Variants in SNTG2 observed in about 807,000 individuals in gnomAD.
SNTG2 encodes the protein gamma-2-syntrophin.
A neutral mutation model predicts 70.9 loss-of-function variants in SNTG2; 74 were observed. The ratio of observed to expected loss-of-function variants is 1.04; its 90% CI spans 0.86 to 1.27. The LOEUF (loss-of-function observed/expected upper bound fraction) is 1.27, where lower values mean the gene tolerates loss of function less well. Ranked by LOEUF, SNTG2 falls within the 50% of genes most tolerant of loss-of-function variation. SNTG2 has a pLI of 0.00. For synonymous variants in SNTG2, 278 were observed against 273.8 expected (o/e 1.02, Z -0.15); for missense variants, 717 against 690.7 (o/e 1.04, Z -0.43).
intron 1 of SNTG2, among the ~76,000 whole-genome samples, chr2:1,082,392 G>C (rs1013340691): frequency 1.3e-5 from 2 of 152,184 alleles, no homozygotes; most frequent in Non-Finnish European, 2.9e-5. Flanking sequence ...CCCCCTGTTT[G>C]GTTCTCACAG....
intron 12 of SNTG2, among the ~76,000 whole-genome samples, chr2:1,252,191 AT>A (rs1473394880): frequency 6.6e-6 from 1 of 152,176 alleles, no homozygotes; most frequent in African/African-American, 2.4e-5. Flanking sequence ...GATCTGGATA[AT>A]TTGTACTTTT....
At chr2:1,054,936 G>GTT (rs1553315636) in intron 1 of SNTG2, among the ~76,000 whole-genome samples, 3 of 149,732 alleles carry the variant, frequency 2.0e-5, no homozygotes, top group African/African-American at 7.4e-5. Flanking sequence ...GGCTTTTTTT[G>GTT]TTTTGTTTTT....
At chr2:1,269,559 A>C (rs1172819927) in intron 14 of SNTG2, among the ~76,000 whole-genome samples, 1 of 152,004 alleles carries the variant, frequency 6.6e-6, no homozygotes, top group Non-Finnish European at 1.5e-5. Flanking sequence ...GTGGGGTCAG[A>C]GCTGGGGTTG....
At chr2:955,954 T>TCCCTGC (rs67552563) in intron 1 of SNTG2, among the ~76,000 whole-genome samples, 10 of 150,112 alleles carry the variant, frequency 6.7e-5, no homozygotes, top group African/African-American at 2.2e-4. Context: ...CTCAGAGCCT[T>TCCCTGC]CCCTGCCCCT....
At chr2:1,259,525 G>T in intron 13 of SNTG2, 84 bp downstream of exon 13, 5 of 1,131,278 alleles carry the variant, frequency 4.4e-6, no homozygotes, top group Non-Finnish European at 5.3e-6. Context: ...TTTGTTCTGC[G>T]TGGTCCATTG....
At chr2:1,115,460 C>G (rs1159584141) in intron 4 of SNTG2, among the ~76,000 whole-genome samples, 1 of 151,226 alleles carries the variant, frequency 6.6e-6, no homozygotes, top group Non-Finnish European at 1.5e-5. Flanking sequence ...CCTTACAGTC[C>G]TTTGAGGAGG....
intron 15 of SNTG2, among the ~76,000 whole-genome samples, chr2:1,311,423 T>C (rs1267420906): frequency 6.6e-6 from 1 of 152,212 alleles, no homozygotes; most frequent in African/African-American, 2.4e-5. Flanking sequence ...TTTTAGAATT[T>C]GCAATATTTG....
chr2:1,088,952 A>G (rs1218953769), intron 2 of SNTG2, among the ~76,000 whole-genome samples: 2 of 152,230 alleles, frequency 1.3e-5, no homozygotes, highest in Non-Finnish European at 2.9e-5. Context: ...TGGAACATAA[A>G]CAAACTGTAA....
intron 14 of SNTG2, among the ~76,000 whole-genome samples, chr2:1,290,559 C>T (rs1020877373): frequency 1.3e-5 from 2 of 152,156 alleles, no homozygotes; most frequent in East Asian, 3.9e-4. Flanking sequence ...AGCAATCCAC[C>T]CACCTTGGCC....
At chr2:1,351,216 A>G (rs1660555031) in intron 16 of SNTG2, among the ~76,000 whole-genome samples, 2 of 152,048 alleles carry the variant, frequency 1.3e-5, no homozygotes, top group African/African-American at 4.8e-5. Context: ...GTGCTTTGTG[A>G]AAGCAGCTTT....
chr2:1,104,605 A>G (rs1344348837), intron 4 of SNTG2, among the ~76,000 whole-genome samples: 1 of 152,234 alleles, frequency 6.6e-6, no homozygotes, highest in East Asian at 1.9e-4. Flanking sequence ...GGAAAAACTC[A>G]CTTGTCAGCG....
chr2:1,039,588 G>A (rs577348316), intron 1 of SNTG2, among the ~76,000 whole-genome samples: 13 of 152,276 alleles, frequency 8.5e-5, no homozygotes, highest in Non-Finnish European at 1.6e-4. Context: ...TCAATCTTGG[G>A]GGGATGGCAG....
At chr2:1,103,136 A>C (rs1665892569) in intron 4 of SNTG2, among the ~76,000 whole-genome samples, 1 of 152,152 alleles carries the variant, frequency 6.6e-6, no homozygotes, top group South Asian at 2.1e-4. Flanking sequence ...GGAGGTCGAG[A>C]TAGGTCTGAG....
intron 1 of SNTG2, among the ~76,000 whole-genome samples, chr2:1,053,311 G>A (rs532210327): frequency 6.6e-6 from 1 of 152,028 alleles, no homozygotes; most frequent in Admixed American, 6.5e-5. Context: ...TGCATTAAAA[G>A]TTTTTTTTAT....
chr2:1,339,961 G>T (rs1455835514), intron 16 of SNTG2, among the ~76,000 whole-genome samples: 1 of 152,180 alleles, frequency 6.6e-6, no homozygotes, highest in Non-Finnish European at 1.5e-5. Context: ...CTCACTGGCC[G>T]CATCGAACTG....
intron 6 of SNTG2, among the ~76,000 whole-genome samples, chr2:1,148,692 T>C (rs532737575): frequency 8.5e-5 from 13 of 152,280 alleles, no homozygotes; most frequent in African/African-American, 2.9e-4. Context: ...GAAGCCAGCA[T>C]GAAATGAGAG....
In SNTG2 at chr2:1,235,996, A is replaced by C. The variant is rs114782674; in HGVS notation, c.720-1892A>C. Among the ~76,000 whole-genome samples, 652 of 152,268 alleles carry C rather than the reference A, an allele frequency of 4.3e-3. 5 individuals are homozygous for C. The highest frequency in any genetic ancestry group is 6.8e-3 in the Middle Eastern group (2 of 294). ...AATGTAAAATATGCCTAAAAATAAT[A>C]GTCTCTGACCTCTTCATGTGGGGAG... On this transcript the variant is annotated intron_variant, in intron 9 of 16. Transcript: ENST00000308624.
intron 10 of SNTG2, among the ~76,000 whole-genome samples, 183 bp downstream of exon 10, chr2:1,238,200 G>T (rs773301455): frequency 2.8e-4 from 42 of 152,196 alleles, no homozygotes; most frequent in Non-Finnish European, 5.1e-4. Flanking sequence ...CCAAATCAAA[G>T]AGTAAGGCAA....
chr2:1,334,303 G>A (rs540145731), intron 16 of SNTG2, among the ~76,000 whole-genome samples: 97 of 152,170 alleles, frequency 6.4e-4, no homozygotes, highest in Admixed American at 5.8e-3. Flanking sequence ...AATAGATGTC[G>A]GTGTGAATGT....
Sources: allele counts gnomAD v4.1 joint callset (sites outside exome capture counted in the v4.1 genomes callset), GRCh38; gene constraint gnomAD v4.1.1; transcripts MANE v1.5; gene names NCBI Gene and HGNC (gene_info 2026-07-23, HGNC 2026-07-21).